The following CDCP2 variants were observed in gnomAD, a reference collection of about 807,000 sequenced individuals.
The protein encoded by CDCP2 is CUB domain-containing protein 2.
A neutral mutation model predicts 31.0 loss-of-function variants in CDCP2; 31 were observed. That is an observed-to-expected ratio of 1.00 (90% CI 0.75 to 1.35). CDCP2 has a LOEUF of 1.35. CDCP2 is among the 40% of genes most tolerant of loss of function. CDCP2 has a pLI of 0.00. For missense variants in CDCP2, 443 were observed against 482.6 expected (o/e 0.92, Z 0.77); for synonymous variants, 206 against 207.9 (o/e 0.99, Z 0.08).
At chr1:54,145,592 C>T (rs1013193672) in intron 1 of CDCP2, among the ~76,000 whole-genome samples, 2 of 152,062 alleles carry the variant, frequency 1.3e-5, no homozygotes, top group African/African-American at 4.8e-5. Flanking sequence ...ATTATTAAAA[C>T]ATTATTTTGA....
At chr1:54,137,694 T>TGTGTGTGTGTGTGCGCGCGCGC (rs1474214550) in intron 4 of CDCP2, 6 of 118,318 alleles carry the variant, frequency 5.1e-5, no homozygotes, top group South Asian at 6.4e-4. Flanking sequence ...CGTGTGTGTG[T>TGTGTGTGTGTGTGCGCGCGCGC]GTGTGTGTGT....
intron 1 of CDCP2, among the ~76,000 whole-genome samples, chr1:54,148,712 G>A (rs1472313668): frequency 5.3e-5 from 8 of 151,098 alleles, no homozygotes; most frequent in Non-Finnish European, 7.4e-5. Context: ...AAGATAAAGG[G>A]GGGAAGGAGG....
intron 1 of CDCP2, among the ~76,000 whole-genome samples, chr1:54,150,886 G>GAT (rs1238608170): frequency 6.6e-6 from 1 of 152,214 alleles, no homozygotes; most frequent in African/African-American, 2.4e-5. Flanking sequence ...CTAAACATGT[G>GAT]CCCTGTACCA....
At chr1:54,134,717 G>T (rs1408892799) in intron 5 of CDCP2, among the ~76,000 whole-genome samples, 5 of 139,596 alleles carry the variant, frequency 3.6e-5, no homozygotes, top group African/African-American at 5.2e-5. Context: ...TTCTCATGTG[G>T]TTTTTTTTGT....
exon 4 of CDCP2, chr1:54,139,933 T>A: frequency 6.2e-7 from 1 of 1,614,052 alleles, no homozygotes; most frequent in Non-Finnish European, 8.5e-7. Flanking sequence ...AAGTCACAGG[T>A]CTTGGTCAGG....
At chr1:54,133,205 G>A (rs958969672) in exon 6 of CDCP2, 1 of 399,138 alleles carries the variant, frequency 2.5e-6, no homozygotes, top group South Asian at 1.3e-4. Flanking sequence ...GTGGCTCACA[G>A]CGGACCTCGT....
chr1:54,148,761 T>C (rs1034041184), intron 1 of CDCP2, among the ~76,000 whole-genome samples: 3 of 150,512 alleles, frequency 2.0e-5, no homozygotes, highest in Admixed American at 6.6e-5. Context: ...CCGGGTGCCA[T>C]GGCTCACACC....
At chr1:54,146,998 C>T (rs960079685) in intron 1 of CDCP2, among the ~76,000 whole-genome samples, 2 of 131,930 alleles carry the variant, frequency 1.5e-5, no homozygotes, top group African/African-American at 5.7e-5. Context: ...ATCCCTTGAA[C>T]TTAGCAGGTA....
chr1:54,135,152 CATA>C (rs1659237861), intron 5 of CDCP2, among the ~76,000 whole-genome samples: 1 of 122,442 alleles, frequency 8.2e-6, no homozygotes. Flanking sequence ...AGTAAATCTA[CATA>C]ATAAGGAAGG....
chr1:54,140,395 A>G (rs1659346296), intron 3 of CDCP2: 1 of 471,028 alleles, frequency 2.1e-6, no homozygotes, highest in African/African-American at 2.0e-5. Flanking sequence ...ATAATACACA[A>G]TACCTGTCCT....
intron 1 of CDCP2, among the ~76,000 whole-genome samples, chr1:54,149,826 G>C (rs1286213033): frequency 6.6e-6 from 1 of 152,226 alleles, no homozygotes; most frequent in Non-Finnish European, 1.5e-5. Context: ...GAATGAATGA[G>C]TGAGTGAATA....
exon 3 of CDCP2, chr1:54,141,363 C>T (rs776452856): frequency 1.1e-5 from 17 of 1,613,968 alleles, no homozygotes; most frequent in South Asian, 3.3e-5. Context: ...CCATGCTGTT[C>T]GGGTAGTTGT....
intron 4 of CDCP2, chr1:54,138,502 A>G (rs1659299299): frequency 6.6e-6 from 1 of 152,248 alleles, no homozygotes; most frequent in Non-Finnish European, 1.5e-5. Flanking sequence ...TGGAGCAAGG[A>G]AAGATCTTTT....
intron 5 of CDCP2, among the ~76,000 whole-genome samples, chr1:54,134,576 G>A (rs1659225612): frequency 6.6e-6 from 1 of 152,194 alleles, no homozygotes; most frequent in South Asian, 2.1e-4. Flanking sequence ...TAGCACTCCT[G>A]AGAGGACGCT....
intron 5 of CDCP2, among the ~76,000 whole-genome samples, chr1:54,133,687 G>A (rs200694324): frequency 6.6e-6 from 1 of 152,124 alleles, no homozygotes; most frequent in South Asian, 2.1e-4. Flanking sequence ...ATGAGGTCAG[G>A]AGATCGAGAC....
chr1:54,145,522 A>C (rs1210069794), intron 1 of CDCP2, among the ~76,000 whole-genome samples: 6 of 152,212 alleles, frequency 3.9e-5, no homozygotes, highest in Non-Finnish European at 7.3e-5. Flanking sequence ...AGAGACAGGA[A>C]GTGTCAGGCA....
chr1:54,149,069 T>C (rs901593651), intron 1 of CDCP2, among the ~76,000 whole-genome samples: 38 of 149,328 alleles, frequency 2.5e-4, no homozygotes, highest in African/African-American at 8.7e-4. Context: ...AGTTAGCACA[T>C]AAATTAAGGA....
intron 1 of CDCP2, 64 bp from the exon 2 acceptor site, chr1:54,144,877 C>T: frequency 7.9e-7 from 1 of 1,270,470 alleles, no homozygotes; most frequent in Non-Finnish European, 1.1e-6. Flanking sequence ...GTGGTAAGGG[C>T]AGTGGGCCCA....
intron 1 of CDCP2, among the ~76,000 whole-genome samples, chr1:54,152,098 A>G (rs895947015): frequency 6.6e-6 from 1 of 152,144 alleles, no homozygotes; most frequent in African/African-American, 2.4e-5. Context: ...ACTGAATACC[A>G]TAAGAAGGAA....
Sources: allele counts gnomAD v4.1 joint callset (sites outside exome capture counted in the v4.1 genomes callset), GRCh38; gene constraint gnomAD v4.1.1; transcripts MANE v1.5; gene names NCBI Gene and HGNC (gene_info 2026-07-23, HGNC 2026-07-21).